The following ZFHX4 variants were observed in gnomAD, a reference collection of about 807,000 sequenced individuals.
ZFHX4 encodes zinc finger homeobox protein 4.
Under a neutral mutation model 267.6 loss-of-function variants are expected in ZFHX4, and 56 were observed. The observed-to-expected ratio is 0.21, with a 90% confidence interval of 0.17 to 0.26. ZFHX4 has a LOEUF of 0.26. Among genes scored for constraint, ZFHX4 ranks in the 10% least tolerant of loss-of-function variants. The probability of loss-of-function intolerance (pLI) is 1.00; values close to 1 mark genes in which losing one functional copy is unlikely to be tolerated. For synonymous variants in ZFHX4, 1,778 were observed against 1,665.6 expected (o/e 1.07, Z -1.64); for missense variants, 4,332 against 4,420.0 (o/e 0.98, Z 0.56).
intron 1 of ZFHX4, among the ~76,000 whole-genome samples, chr8:76,699,606 G>T (rs1808049406): frequency 6.6e-6 from 1 of 152,034 alleles, no homozygotes; most frequent in Non-Finnish European, 1.5e-5. Flanking sequence ...CTCTTCTCTT[G>T]GTTAGCACAC....
intron 3 of ZFHX4, among the ~76,000 whole-genome samples, chr8:76,719,819 C>T (rs1808672154): frequency 6.6e-6 from 1 of 151,868 alleles, no homozygotes; most frequent in Admixed American, 6.6e-5. Flanking sequence ...GATGGCAATC[C>T]CAATATTGAA....
At chr8:76,748,862 A>G (rs1220232177) in intron 3 of ZFHX4, among the ~76,000 whole-genome samples, 1 of 152,160 alleles carries the variant, frequency 6.6e-6, no homozygotes, top group Non-Finnish European at 1.5e-5. Flanking sequence ...TCCTGAAAAC[A>G]TTTTTGCTTA....
At position 76,705,547 on chromosome 8, in the gene ZFHX4, G is replaced by C. The variant is rs953528643; in HGVS notation, c.1459G>C (p.Val487Leu). ...CTCCAATGAACTTGATGACGAGGAA[G>C]TATTAGGTGAACTCACCGATAGTAT... ...AYSNELDDEE[V>L]LGELTDSIGN... The change falls in exon 2 of 11, where the codon GTA (valine) becomes CTA (leucine). Residue 487 changes from valine to leucine, a missense_variant. Coordinates refer to ENST00000651372, the MANE Select transcript of ZFHX4 (RefSeq NM_024721.5). The C allele has an allele frequency of 9.3e-6, 15 of 1,613,518 alleles. No homozygotes were observed. The African/African-American group carries it at 1.7e-4, about 19-fold the overall frequency.
intron 4 of ZFHX4, among the ~76,000 whole-genome samples, chr8:76,787,898 ATGT>A (rs903243533): frequency 1.3e-5 from 2 of 152,012 alleles, no homozygotes; most frequent in Non-Finnish European, 2.9e-5. Context: ...GATGATGATG[ATGT>A]TGATGATAGC....
At chr8:76,778,526 C>CACA in intron 4 of ZFHX4, 87 bp downstream of exon 4, 2 of 1,103,988 alleles carry the variant, frequency 1.8e-6, no homozygotes, top group Non-Finnish European at 2.7e-6. Flanking sequence ...CACACACACG[C>CACA]CTCAAACTCT....
chr8:76,827,697 C>T (rs1053757553), intron 4 of ZFHX4, among the ~76,000 whole-genome samples: 3 of 151,732 alleles, frequency 2.0e-5, no homozygotes, highest in African/African-American at 7.3e-5. Flanking sequence ...CTTTTGAGGC[C>T]CCATTACACC....
At chr8:76,791,101 A>G (rs1246402080) in intron 4 of ZFHX4, among the ~76,000 whole-genome samples, 1 of 152,202 alleles carries the variant, frequency 6.6e-6, no homozygotes, top group African/African-American at 2.4e-5. Flanking sequence ...AGACTGAAAA[A>G]CTGATTAAAC....
intron 4 of ZFHX4, among the ~76,000 whole-genome samples, chr8:76,787,009 G>T (rs1810709083): frequency 6.6e-6 from 1 of 152,106 alleles, no homozygotes; most frequent in Admixed American, 6.6e-5. Flanking sequence ...TTAACTCAGG[G>T]TTACACAATC....
chr8:76,682,157 G>T (rs1174003475), intron 1 of ZFHX4, among the ~76,000 whole-genome samples: 1 of 152,108 alleles, frequency 6.6e-6, no homozygotes, highest in Non-Finnish European at 1.5e-5. Context: ...CTGGTCCTCC[G>T]CACTCATCCT....
At chr8:76,701,365 G>A (rs928298345) in intron 1 of ZFHX4, among the ~76,000 whole-genome samples, 2 of 151,966 alleles carry the variant, frequency 1.3e-5, no homozygotes, top group Non-Finnish European at 2.9e-5. Flanking sequence ...AAATTGATTG[G>A]CAATTTTCTG....
chr8:76,853,899 C>T lies in ZFHX4; in HGVS notation c.6978C>T (p.Asp2326=), dbSNP rs1812622424. Residue 2326 remains aspartate (D), a synonymous_variant, in exon 10 of 11, where the codon GAC becomes GAT. Coordinates refer to ENST00000651372, the MANE Select transcript of ZFHX4 (RefSeq NM_024721.5). ...KCNVVFPRIF[D]LITHQKKQCY... is the part of the protein sequence containing the mutation. ...ATGTGGTTTTCCCCAGGATCTTTGACTTGATTACGCATCAGAAAAAGCAGT... is the reference window on the plus strand; with the variant it reads ...ATGTGGTTTTCCCCAGGATCTTTGATTTGATTACGCATCAGAAAAAGCAGT... 2 of 1,613,896 alleles carry T rather than the reference C, an allele frequency of 1.2e-6. No homozygotes were observed. The highest frequency in any genetic ancestry group is 1.7e-6 in the Non-Finnish European group (2 of 1,179,872).
rs1812995499 is a variant in ZFHX4 at position 76,865,158 on chromosome 8, A to G, written c.*593A>G. On this transcript the variant is annotated 3_prime_UTR_variant, in exon 11 of 11. Coordinates refer to ENST00000651372, the MANE Select transcript of ZFHX4 (RefSeq NM_024721.5). ...CAGATCCTTGAGCTCACGCTGCAGG[A>G]TAGTACAGTTTTACCGCAGAGGGAA... The G allele has an allele frequency of 6.5e-6, 1 of 152,714 alleles. No individual in the cohort carries two copies. Among genetic ancestry groups the G allele is most frequent in the African/African-American group, 2.4e-5 (1 of 41,440 alleles). The allele number at this position is 152,714 out of a possible 1,614,324, so 9.5% of individuals were successfully genotyped here. A position where few individuals can be genotyped will look rare whatever the true frequency, so the allele number is the denominator to read the frequency against.
chr8:76,794,498 C>T (rs777304708), intron 4 of ZFHX4, among the ~76,000 whole-genome samples: 1 of 152,080 alleles, frequency 6.6e-6, no homozygotes, highest in Non-Finnish European at 1.5e-5. Flanking sequence ...CAACATATCC[C>T]CCTGTTGTTA....
At position 76,856,263 on chromosome 8, in the gene ZFHX4, T is replaced by C; in HGVS notation, c.9342T>C (p.Gly3114=). 5 of 1,613,866 alleles carry C rather than the reference T, an allele frequency of 3.1e-6. No individual in the cohort carries two copies. The highest frequency in any genetic ancestry group is 4.2e-6 in the Non-Finnish European group (5 of 1,179,846). Residue 3114 remains glycine (G), a synonymous_variant, in exon 10 of 11, where the codon GGT becomes GGC. Transcript: ENST00000651372. ...CAGTCCTTCTCCCCGGAATGAACGG[T>C]CCATCCTCCTTGCCGGGATTTCCAC... The part of the protein sequence containing the change: ...LPPVLLPGMN[G]PSSLPGFPQN...
chr8:76,852,543 T>C lies in ZFHX4; in HGVS notation c.5622T>C (p.Ser1874=). 17 of 1,610,204 alleles carry C rather than the reference T, an allele frequency of 1.1e-5. No homozygotes were observed. Among genetic ancestry groups the C allele is most frequent in the Non-Finnish European group, 1.4e-5 (17 of 1,178,114 alleles). The part of the protein sequence containing the change: ...KPEKPKQEFI[S]EGEGLKEGKD... ...AAAAACCAAAGCAGGAATTTATAAG[T>C]GAAGGTGAAGGACTCAAAGAAGGCA... The change falls in exon 10 of 11, where the codon AGT becomes AGC. Residue 1874 remains serine (S), a synonymous_variant. Transcript: ENST00000651372.
At chr8:76,741,087 A>G (rs1015677410) in intron 3 of ZFHX4, among the ~76,000 whole-genome samples, 2 of 152,226 alleles carry the variant, frequency 1.3e-5, no homozygotes, top group African/African-American at 4.8e-5. Context: ...TGAAAGATTA[A>G]AAAGAAAATT....
intron 3 of ZFHX4, among the ~76,000 whole-genome samples, chr8:76,770,923 G>A (rs1314668085): frequency 6.6e-6 from 1 of 152,072 alleles, no homozygotes; most frequent in East Asian, 1.9e-4. Context: ...TTAGAATTGG[G>A]TTGAAGCCAT....
At chr8:76,809,742 T>TTA in intron 4 of ZFHX4, among the ~76,000 whole-genome samples, 1 of 152,124 alleles carries the variant, frequency 6.6e-6, no homozygotes, top group East Asian at 1.9e-4. Flanking sequence ...ATACCATTAA[T>TTA]AAATGCTCTT....
chr8:76,830,561 T>A (rs77456262), intron 4 of ZFHX4, among the ~76,000 whole-genome samples: 6,426 of 152,302 alleles, frequency 0.042, 192 homozygotes, highest in Non-Finnish European at 0.063. Context: ...TTTCATTTTG[T>A]AAGTCAAAAG....
Sources: allele counts gnomAD v4.1 joint callset (sites outside exome capture counted in the v4.1 genomes callset), GRCh38; gene constraint gnomAD v4.1.1; transcripts MANE v1.5; gene names NCBI Gene and HGNC (gene_info 2026-07-23, HGNC 2026-07-21).